Variants in PRKCB observed in about 807,000 individuals in gnomAD.
The protein encoded by PRKCB is protein kinase C beta.
A neutral mutation model predicts 81.5 loss-of-function variants in PRKCB; 13 were observed. That is an observed-to-expected ratio of 0.16 (90% CI 0.10 to 0.25). PRKCB has a LOEUF of 0.25. Ranked by LOEUF, PRKCB falls within the 10% of genes least tolerant of loss-of-function variation. The pLI, the probability that PRKCB is intolerant of heterozygous loss-of-function variation, is 1.00. For missense variants in PRKCB, 509 were observed against 875.7 expected (o/e 0.58, Z 5.29); for synonymous variants, 335 against 321.4 (o/e 1.04, Z -0.45).
At chr16:24,012,024 C>T (rs1359246507) in intron 3 of PRKCB, among the ~76,000 whole-genome samples, 2 of 152,152 alleles carry the variant, frequency 1.3e-5, no homozygotes, top group Non-Finnish European at 2.9e-5. Context: ...TGCATCTCAG[C>T]CTTTCCTCAT....
At chr16:23,844,740 A>G (rs1050069062) in intron 2 of PRKCB, among the ~76,000 whole-genome samples, 1 of 150,228 alleles carries the variant, frequency 6.7e-6, no homozygotes, top group Non-Finnish European at 1.5e-5. Flanking sequence ...ATCTCCTGAC[A>G]TTGTGATCCT....
At chr16:24,091,070 A>G (rs909778684) in intron 5 of PRKCB, among the ~76,000 whole-genome samples, 1 of 152,124 alleles carries the variant, frequency 6.6e-6, no homozygotes, top group Non-Finnish European at 1.5e-5. Context: ...TTCTTACTGC[A>G]CTTATGGAAC....
At chr16:24,047,461 T>C (rs967543093) in intron 5 of PRKCB, among the ~76,000 whole-genome samples, 3 of 150,524 alleles carry the variant, frequency 2.0e-5, no homozygotes, top group African/African-American at 4.9e-5. Context: ...AGCCCAGGAG[T>C]TGGTGGCTGC....
At position 24,215,729 on chromosome 16, in the gene PRKCB, C is replaced by T. The variant is rs570027537; in HGVS notation, c.*913C>T. The T allele has an allele frequency of 4.0e-5, 39 of 985,502 alleles. No homozygotes were observed. Among genetic ancestry groups the T allele is most frequent in the African/African-American group, 2.1e-4 (12 of 57,290 alleles). The allele number at this position is 985,502 out of a possible 1,614,324, so 61.0% of individuals were successfully genotyped here. The stretch of plus-strand genomic sequence containing the variant: ...ATTCAAATGTTATTAACCACAATGA[C>T]GACCTGCTTTGATTTAACCAAGAAG... On this transcript the variant is annotated 3_prime_UTR_variant, in exon 17 of 17. Transcript: ENST00000643927.
chr16:23,959,098 C>A (rs1002303001), intron 2 of PRKCB, among the ~76,000 whole-genome samples: 1 of 152,076 alleles, frequency 6.6e-6, no homozygotes, highest in Non-Finnish European at 1.5e-5. Context: ...GTAGAGCAGC[C>A]GGCTCATTGT....
intron 8 of PRKCB, among the ~76,000 whole-genome samples, chr16:24,121,551 CT>C (rs1006393825): frequency 6.7e-4 from 102 of 151,610 alleles, no homozygotes; most frequent in African/African-American, 1.6e-3. Flanking sequence ...GCTAATTAAA[CT>C]TTTTTTTTGA....
At chr16:23,935,909 G>A (rs1018866467) in intron 2 of PRKCB, among the ~76,000 whole-genome samples, 15 of 152,138 alleles carry the variant, frequency 9.9e-5, no homozygotes, top group Admixed American at 8.5e-4. Context: ...ACTACCTGTC[G>A]AGCACTGTGC....
chr16:23,838,521 A>G (rs1325280888), intron 2 of PRKCB, among the ~76,000 whole-genome samples: 1 of 152,218 alleles, frequency 6.6e-6, no homozygotes, highest in Admixed American at 6.5e-5. Flanking sequence ...AAGAAACGGC[A>G]CATTTCTGGG....
chr16:24,046,048 T>A (rs1965759743), intron 5 of PRKCB, among the ~76,000 whole-genome samples: 1 of 152,270 alleles, frequency 6.6e-6, no homozygotes, highest in Non-Finnish European at 1.5e-5. Flanking sequence ...TGGTGCAGCA[T>A]GAGCTTCTGG....
intron 3 of PRKCB, among the ~76,000 whole-genome samples, chr16:24,026,998 T>C (rs1304062023): frequency 6.6e-6 from 1 of 152,156 alleles, no homozygotes; most frequent in African/African-American, 2.4e-5. Context: ...GAACAGGGGT[T>C]CCTTTTTTAT....
chr16:24,067,784 T>C (rs575250433), intron 5 of PRKCB, among the ~76,000 whole-genome samples: 1 of 152,108 alleles, frequency 6.6e-6, no homozygotes, highest in South Asian at 2.1e-4. Context: ...CTGGCCAACA[T>C]AGTGAAGCCC....
At chr16:23,938,499 TTAAG>T (rs1964092739) in intron 2 of PRKCB, among the ~76,000 whole-genome samples, 1 of 152,200 alleles carries the variant, frequency 6.6e-6, no homozygotes. Context: ...AAGTCTCCAA[TTAAG>T]TGTCAGACAA....
chr16:23,909,570 A>T (rs757251064), intron 2 of PRKCB, among the ~76,000 whole-genome samples: 39 of 152,274 alleles, frequency 2.6e-4, no homozygotes, highest in Admixed American at 7.2e-4. Flanking sequence ...CATCACCCAA[A>T]TAATGTACAT....
chr16:24,108,893 C>G (rs1291777794), intron 7 of PRKCB, among the ~76,000 whole-genome samples: 2 of 151,394 alleles, frequency 1.3e-5, no homozygotes, highest in African/African-American at 2.4e-5. Flanking sequence ...GGGTGGTGGC[C>G]GGGCAGAGGG....
intron 2 of PRKCB, among the ~76,000 whole-genome samples, chr16:23,974,554 C>T (rs1244064878): frequency 6.6e-6 from 1 of 152,172 alleles, no homozygotes; most frequent in Non-Finnish European, 1.5e-5. Context: ...ACTCTAATGT[C>T]AGAGCTGTCC....
chr16:23,881,974 C>T (rs1597225912), intron 2 of PRKCB, among the ~76,000 whole-genome samples: 1 of 18,472 alleles, frequency 5.4e-5, no homozygotes, highest in Non-Finnish European at 1.3e-4. Context: ...TCCTTTCTTT[C>T]TTTCTTTCTT....
chr16:23,913,234 A>G (rs1963688582), intron 2 of PRKCB, among the ~76,000 whole-genome samples: 1 of 152,056 alleles, frequency 6.6e-6, no homozygotes, highest in African/African-American at 2.4e-5. Flanking sequence ...ATGGACAAGG[A>G]GAAGCCGAGA....
intron 2 of PRKCB, among the ~76,000 whole-genome samples, chr16:23,880,441 C>T (rs1028131136): frequency 7.9e-5 from 12 of 152,114 alleles, no homozygotes; most frequent in African/African-American, 7.2e-5. Flanking sequence ...TTTTTAATCC[C>T]GGGATGGGTT....
rs958902817 is a variant in PRKCB at position 23,843,367 on chromosome 16, A to G, written c.205+5961A>G. On this transcript the variant is annotated intron_variant, in intron 2 of 16. Transcript: ENST00000643927. ...TCCACTCACCTTTTAGCTTATTCTA[A>G]ATGTGTCCTGCGGGCTTCTCTGTGA... is the stretch of plus-strand genomic sequence containing the variant. 2.0e-5 allele frequency among the ~76,000 whole-genome samples: 3 copies of G among 152,042 alleles called. No homozygotes were observed. The South Asian group carries it at 6.2e-4, about 32-fold the overall frequency.
Sources: allele counts gnomAD v4.1 joint callset (sites outside exome capture counted in the v4.1 genomes callset), GRCh38; gene constraint gnomAD v4.1.1; transcripts MANE v1.5; gene names NCBI Gene and HGNC (gene_info 2026-07-23, HGNC 2026-07-21).